The following SCYL2 variants were observed in gnomAD, a reference collection of about 807,000 sequenced individuals.
SCYL2 encodes SCY1 like pseudokinase 2.
In SCYL2, 36 loss-of-function variants were observed where a neutral mutation model predicts 100.4. The ratio of observed to expected loss-of-function variants is 0.36; its 90% CI spans 0.27 to 0.47. The LOEUF is 0.47. Ranked by LOEUF, SCYL2 falls within the 20% of genes least tolerant of loss-of-function variation. The probability of loss-of-function intolerance (pLI) is 1.00; values close to 1 mark genes in which losing one functional copy is unlikely to be tolerated. For synonymous variants in SCYL2, 330 were observed against 359.2 expected (o/e 0.92, Z 0.92); for missense variants, 902 against 1,083.9 (o/e 0.83, Z 2.36).
chr12:100,314,756 C>A, intron 8 of SCYL2, 142 bp downstream of exon 8: 2 of 804,532 alleles, frequency 2.5e-6, no homozygotes, highest in Non-Finnish European at 3.8e-6. Context: ...CCAACTGAAG[C>A]CAAAAGTTCA....
intron 3 of SCYL2, among the ~76,000 whole-genome samples, chr12:100,294,194 G>C (rs189990368): frequency 0.029 from 4,203 of 144,876 alleles, 82 homozygotes; most frequent in African/African-American, 0.05. Context: ...GGGGTGGCTG[G>C]CCAGGCGGGG....
chr12:100,333,995 G>A (rs1289295290), intron 13 of SCYL2, 171 bp from the exon 14 acceptor site: 1 of 495,120 alleles, frequency 2.0e-6, no homozygotes, highest in African/African-American at 2.0e-5. Flanking sequence ...AGCTTGCTAT[G>A]ATATGCCGAA....
At chr12:100,328,927 G>C (rs1952172347) in intron 12 of SCYL2, among the ~76,000 whole-genome samples, 1 of 152,146 alleles carries the variant, frequency 6.6e-6, no homozygotes, top group Non-Finnish European at 1.5e-5. Flanking sequence ...AATTGAACCT[G>C]GTTCTGATAA....
intron 5 of SCYL2, 67 bp from the exon 6 acceptor site, chr12:100,312,365 T>G: frequency 8.6e-7 from 1 of 1,165,396 alleles, no homozygotes; most frequent in Non-Finnish European, 1.3e-6. Context: ...TAAAGATAGA[T>G]TACTACTGCT....
chr12:100,312,337 C>G, intron 5 of SCYL2, 95 bp from the exon 6 acceptor site: 1 of 939,678 alleles, frequency 1.1e-6, no homozygotes, highest in East Asian at 2.6e-5. Flanking sequence ...TTTTTACTTG[C>G]ATGACCGAGT....
chr12:100,288,712 C>G (rs1435969646), intron 2 of SCYL2, among the ~76,000 whole-genome samples: 1 of 151,732 alleles, frequency 6.6e-6, no homozygotes, highest in East Asian at 1.9e-4. Flanking sequence ...TGGTGTGTGG[C>G]TGTGGTCCCA....
At chr12:100,284,380 T>C (rs1281060997) in intron 2 of SCYL2, among the ~76,000 whole-genome samples, 8 of 152,230 alleles carry the variant, frequency 5.3e-5, no homozygotes, top group Non-Finnish European at 1.2e-4. Context: ...CTGTATTTAT[T>C]GCTTTGGAAT....
chr12:100,272,051 G>A (rs1185625966), intron 1 of SCYL2, among the ~76,000 whole-genome samples: 2 of 152,076 alleles, frequency 1.3e-5, no homozygotes, highest in East Asian at 1.9e-4. Flanking sequence ...TTCACATGCT[G>A]GTTCTATTGA....
intron 1 of SCYL2, among the ~76,000 whole-genome samples, chr12:100,281,268 A>G (rs1326160083): frequency 6.6e-6 from 1 of 151,970 alleles, no homozygotes. Context: ...AGCTCAAGTG[A>G]TCCACCTCCA....
At chr12:100,334,908 C>G (rs1464578901) in intron 14 of SCYL2, among the ~76,000 whole-genome samples, 1 of 151,958 alleles carries the variant, frequency 6.6e-6, no homozygotes, top group East Asian at 1.9e-4. Flanking sequence ...CAAAAAACAT[C>G]TAAAAATCAG....
chr12:100,293,878 A>G (rs1344769892), intron 3 of SCYL2, among the ~76,000 whole-genome samples: 1 of 152,190 alleles, frequency 6.6e-6, no homozygotes, highest in Non-Finnish European at 1.5e-5. Flanking sequence ...CCCAAGGCAG[A>G]AGAATTTTTC....
chr12:100,310,666 G>A (rs2096341137), intron 4 of SCYL2, among the ~76,000 whole-genome samples: 1 of 152,208 alleles, frequency 6.6e-6, no homozygotes, highest in Non-Finnish European at 1.5e-5. Flanking sequence ...AATCTGAAGT[G>A]TATGTATATA....
At chr12:100,287,820 A>T (rs1001157158) in intron 2 of SCYL2, among the ~76,000 whole-genome samples, 1 of 152,202 alleles carries the variant, frequency 6.6e-6, no homozygotes, top group Non-Finnish European at 1.5e-5. Context: ...ATAAAAAGTT[A>T]AAAAATATTT....
intron 11 of SCYL2, among the ~76,000 whole-genome samples, chr12:100,325,607 A>G (rs1230005420): frequency 6.6e-6 from 1 of 152,054 alleles, no homozygotes; most frequent in African/African-American, 2.4e-5. Context: ...GTGTCTTAAT[A>G]CTCTTCCCTG....
intron 4 of SCYL2, among the ~76,000 whole-genome samples, chr12:100,298,791 C>G (rs1370723338): frequency 6.6e-6 from 1 of 152,142 alleles, no homozygotes; most frequent in Non-Finnish European, 1.5e-5. Flanking sequence ...ATCATGTTGG[C>G]CAGGCTGGTC....
At chr12:100,277,124 G>T (rs1327617116) in intron 1 of SCYL2, among the ~76,000 whole-genome samples, 2 of 152,130 alleles carry the variant, frequency 1.3e-5, no homozygotes, top group African/African-American at 2.4e-5. Context: ...TATTTCAGTA[G>T]TTATAAATAT....
intron 1 of SCYL2, 40 bp from the exon 2 acceptor site, chr12:100,282,903 A>T: frequency 1.0e-6 from 1 of 962,574 alleles, no homozygotes; most frequent in Non-Finnish European, 1.5e-6. Context: ...TTATATAGAT[A>T]AGAAATGATC....
Position 100,339,042 on chromosome 12 carries a change from A to G in SCYL2, c.2660A>G (p.Asn887Ser). Reference protein sequence around the residue: ...MGSSVMGTQMNVIGQSAFGMQ... With the variant: ...MGSSVMGTQMSVIGQSAFGMQ... ...AGTTCAGTAATGGGGACACAGATGAACGTGATAGGACAATCTGCTTTTGGT... is the reference window on the plus strand; with the variant it reads ...AGTTCAGTAATGGGGACACAGATGAGCGTGATAGGACAATCTGCTTTTGGT... The change falls in exon 18 of 18, where the codon AAC becomes AGC. Residue 887 changes from asparagine to serine, a missense_variant. Asn to Ser is a conservative substitution (Grantham distance 46, BLOSUM62 1). Transcript: ENST00000360820. The G allele has an allele frequency of 6.2e-7, 1 of 1,614,158 alleles. No individual in the cohort carries two copies. The highest frequency in any genetic ancestry group is 8.5e-7 in the Non-Finnish European group (1 of 1,179,984).
At chr12:100,304,432 G>A (rs1384467895) in intron 4 of SCYL2, among the ~76,000 whole-genome samples, 1 of 152,116 alleles carries the variant, frequency 6.6e-6, no homozygotes, top group Admixed American at 6.5e-5. Context: ...AAAGACCGTG[G>A]GAAAAGCATA....
Sources: allele counts gnomAD v4.1 joint callset (sites outside exome capture counted in the v4.1 genomes callset), GRCh38; gene constraint gnomAD v4.1.1; transcripts MANE v1.5; gene names NCBI Gene and HGNC (gene_info 2026-07-23, HGNC 2026-07-21).